ERBB4: variants seen among roughly 807,000 people sequenced by gnomAD.
ERBB4 encodes erb-b2 receptor tyrosine kinase 4.
In ERBB4, 42 loss-of-function variants were observed where a neutral mutation model predicts 158.0. That is an observed-to-expected ratio of 0.27 (90% CI 0.21 to 0.34). The LOEUF (loss-of-function observed/expected upper bound fraction) is 0.34. ERBB4 is among the 10% of genes least tolerant of loss of function. The probability of loss-of-function intolerance (pLI) is 1.00; values close to 1 mark genes in which losing one functional copy is unlikely to be tolerated. For missense variants in ERBB4, 1,333 were observed against 1,624.1 expected (o/e 0.82, Z 3.08); for synonymous variants, 583 against 558.7 (o/e 1.04, Z -0.61).
chr2:212,426,265 TA>T (rs748591370), intron 1 of ERBB4: 1 of 482,438 alleles, frequency 2.1e-6, no homozygotes, highest in South Asian at 1.6e-5. Context: ...AAATGCACAC[TA>T]AAATATTAGG....
chr2:212,435,200 C>A (rs1042296596), intron 1 of ERBB4, among the ~76,000 whole-genome samples: 1 of 151,952 alleles, frequency 6.6e-6, no homozygotes, highest in African/African-American at 2.4e-5. Flanking sequence ...CTGGTGCCCT[C>A]CTGTTTTCAG....
At chr2:211,476,044 G>T (rs2064945205) in intron 20 of ERBB4, among the ~76,000 whole-genome samples, 1 of 152,052 alleles carries the variant, frequency 6.6e-6, no homozygotes, top group African/African-American at 2.4e-5. Context: ...AAAGTCTAAG[G>T]GAGTTCCAAA....
At chr2:211,844,677 A>T (rs547622899) in intron 3 of ERBB4, among the ~76,000 whole-genome samples, 5 of 152,160 alleles carry the variant, frequency 3.3e-5, no homozygotes, top group Non-Finnish European at 7.4e-5. Flanking sequence ...TATATAATAG[A>T]TTTACATATT....
rs186755275 is a variant in ERBB4, at chr2:212,036,188, G to C, written c.234+88564C>G. Among the ~76,000 whole-genome samples the C allele has an allele frequency of 3.3e-5, 5 of 152,092 alleles. No individual in the cohort carries two copies. The East Asian group carries it at 9.7e-4, about 29-fold the overall frequency. On this transcript the variant is annotated intron_variant, in intron 2 of 27. Coordinates refer to ENST00000342788, the MANE Select transcript of ERBB4 (RefSeq NM_005235.3). ...GAGGTTCATATTGAGAAGACAGTTAGCCTACTGATCCCAACAGTTCCTTTC... is the reference window on the plus strand; with the variant it reads ...GAGGTTCATATTGAGAAGACAGTTACCCTACTGATCCCAACAGTTCCTTTC...
intron 1 of ERBB4, among the ~76,000 whole-genome samples, chr2:212,240,077 T>G (rs962383012): frequency 1.3e-5 from 2 of 152,194 alleles, no homozygotes; most frequent in African/African-American, 4.8e-5. Context: ...TGTGAAATCT[T>G]GTACTGATAC....
intron 2 of ERBB4, among the ~76,000 whole-genome samples, chr2:212,122,035 TA>T (rs1434967100): frequency 8.5e-6 from 1 of 117,890 alleles, no homozygotes; most frequent in African/African-American, 3.0e-5. Flanking sequence ...GTAATGATAA[TA>T]TTTTATATTT....
At chr2:211,642,801 C>G (rs184985555) in intron 16 of ERBB4, among the ~76,000 whole-genome samples, 2 of 152,032 alleles carry the variant, frequency 1.3e-5, no homozygotes, top group African/African-American at 4.8e-5. Context: ...ATATATCCAA[C>G]AACAATCTCA....
At chr2:211,953,831 T>C (rs1233429223) in intron 2 of ERBB4, among the ~76,000 whole-genome samples, 1 of 151,524 alleles carries the variant, frequency 6.6e-6, no homozygotes, top group Non-Finnish European at 1.5e-5. Flanking sequence ...TAATTTCCCA[T>C]ACCATATTAG....
At chr2:212,319,737 T>G (rs1350244026) in intron 1 of ERBB4, among the ~76,000 whole-genome samples, 2 of 150,444 alleles carry the variant, frequency 1.3e-5, no homozygotes, top group Admixed American at 6.6e-5. Flanking sequence ...ATATGCCTCC[T>G]GTTTTCTTCT....
At position 212,281,529 on chromosome 2, in the gene ERBB4, TTTA is replaced by T. The variant is rs769887036; in HGVS notation, c.83-156629_83-156627del. ...GTAGTAGTCAGGATTACCCATTTCA[TTTA>T]CATCAGTTGCTCTAGCTCTCTGTGT... On this transcript the variant is annotated intron_variant, in intron 1 of 27. Transcript: ENST00000342788. Among the ~76,000 whole-genome samples the T allele has an allele frequency of 9.2e-5, 14 of 151,850 alleles. 1 individual carries two copies. In the East Asian group the frequency reaches 2.5e-3, roughly 27 times the overall value.
intron 2 of ERBB4, among the ~76,000 whole-genome samples, chr2:211,962,493 A>G (rs2125178200): frequency 6.6e-6 from 1 of 152,276 alleles, no homozygotes; most frequent in South Asian, 2.1e-4. Flanking sequence ...ACTTGATTGG[A>G]AAAAGTTAAT....
At chr2:211,974,976 ATAT>A (rs1238238851) in intron 2 of ERBB4, among the ~76,000 whole-genome samples, 2 of 151,396 alleles carry the variant, frequency 1.3e-5, no homozygotes, top group East Asian at 2.0e-4. Context: ...GAATCAAGAA[ATAT>A]TATATCCATC....
At chr2:212,044,634 C>T (rs1431947969) in intron 2 of ERBB4, among the ~76,000 whole-genome samples, 1 of 152,080 alleles carries the variant, frequency 6.6e-6, no homozygotes, top group Non-Finnish European at 1.5e-5. Context: ...TATAAATTCT[C>T]AACTCCTAAT....
intron 2 of ERBB4, among the ~76,000 whole-genome samples, chr2:211,972,310 T>C (rs778038760): frequency 2.6e-5 from 4 of 152,172 alleles, no homozygotes; most frequent in Non-Finnish European, 5.9e-5. Flanking sequence ...ATCAATATCA[T>C]TAAAATGGTC....
chr2:212,166,907 G>A (rs775173964), intron 1 of ERBB4, among the ~76,000 whole-genome samples: 5 of 152,012 alleles, frequency 3.3e-5, no homozygotes, highest in Admixed American at 6.6e-5. Flanking sequence ...AACTGAAACC[G>A]GACCTCTTCC....
intron 3 of ERBB4, among the ~76,000 whole-genome samples, chr2:211,839,342 GAGAAT>G (rs998087919): frequency 1.3e-5 from 2 of 148,374 alleles, no homozygotes; most frequent in Non-Finnish European, 3.0e-5. Context: ...GCTCTTCATG[GAGAAT>G]AGATATACAA....
intron 12 of ERBB4, among the ~76,000 whole-genome samples, chr2:211,700,945 T>A (rs1029339618): frequency 1.3e-5 from 2 of 152,190 alleles, no homozygotes; most frequent in Non-Finnish European, 2.9e-5. Flanking sequence ...ATGGTTGTAC[T>A]CATAATAGTG....
At chr2:211,389,160 C>T (rs1366450898) in intron 25 of ERBB4, among the ~76,000 whole-genome samples, 4 of 152,102 alleles carry the variant, frequency 2.6e-5, no homozygotes, top group South Asian at 2.1e-4. Flanking sequence ...CTCAGCCTCC[C>T]GAGTAGCTGG....
At position 212,124,560 on chromosome 2, in the gene ERBB4, G is replaced by A. The variant is rs1019777417; in HGVS notation, c.234+192C>T. 1.5e-5 allele frequency: 9 copies of A among 613,280 alleles called. No homozygotes were observed. In the Admixed American group the frequency reaches 1.6e-4, roughly 11 times the overall value. 38.0% of individuals were successfully genotyped at this position (613,280 alleles called of 1,614,324 possible). A position where few individuals can be genotyped will look rare whatever the true frequency, so the allele number is the denominator to read the frequency against. ...CAGCAACTGCTTTAAACTCAGGAGCGTCAGTCATTATGGCTTTGTTACTCT... is the reference window on the plus strand; with the variant it reads ...CAGCAACTGCTTTAAACTCAGGAGCATCAGTCATTATGGCTTTGTTACTCT... On this transcript the variant is annotated intron_variant, in intron 2 of 27. Transcript: ENST00000342788.
Sources: gnomAD v4.1 joint callset for allele counts (sites outside exome capture counted in the v4.1 genomes callset) on GRCh38, gnomAD v4.1.1 for gene constraint, MANE v1.5 for transcripts, NCBI Gene and HGNC (gene_info 2026-07-23, HGNC 2026-07-21) for gene names.